The following IL1RAPL1 variants were observed in gnomAD, a reference collection of about 807,000 sequenced individuals.
IL1RAPL1 encodes interleukin-1 receptor accessory protein-like 1.
A neutral mutation model predicts 48.4 loss-of-function variants in IL1RAPL1; 3 were observed. The ratio of observed to expected loss-of-function variants is 0.06; its 90% CI spans 0.03 to 0.16. IL1RAPL1 has a LOEUF of 0.16. IL1RAPL1 is among the 10% of genes least tolerant of loss of function. The pLI is 1.00. For missense variants in IL1RAPL1, 349 were observed against 530.6 expected, an observed-to-expected ratio of 0.66 and a Z score of 3.36; for synonymous variants, 185 against 187.7, an observed-to-expected ratio of 0.99 and a Z score of 0.12.
intron 1 of IL1RAPL1, among the ~76,000 whole-genome samples, chrX:28,705,052 A>T (rs1269566898): frequency 1.8e-5 from 2 of 111,305 alleles, no homozygotes; most frequent in Non-Finnish European, 3.8e-5. Context: ...TGCTTTTGGA[A>T]AATGTTTTGT....
intron 2 of IL1RAPL1, among the ~76,000 whole-genome samples, chrX:29,199,894 G>A (rs1277508005): frequency 8.9e-6 from 1 of 111,790 alleles, no homozygotes; most frequent in African/African-American, 3.2e-5. Flanking sequence ...TTTTTTCTGG[G>A]TCTCAATAGG....
At chrX:29,357,288 C>G (rs757418697) in intron 3 of IL1RAPL1, among the ~76,000 whole-genome samples, 183 of 111,906 alleles carry the variant, frequency 1.6e-3, no homozygotes, top group Non-Finnish European at 2.2e-3. Context: ...TTTAAAAGTA[C>G]TCTTCAGTGA....
intron 2 of IL1RAPL1, among the ~76,000 whole-genome samples, chrX:28,791,287 G>C (rs1467365968): frequency 4.5e-5 from 5 of 111,232 alleles, no homozygotes; most frequent in Non-Finnish European, 7.5e-5. Context: ...AGCAGAGCTA[G>C]AAACATGGGG....
chrX:28,795,521 T>C (rs941651105), intron 2 of IL1RAPL1, among the ~76,000 whole-genome samples: 3 of 111,284 alleles, frequency 2.7e-5, no homozygotes, highest in Admixed American at 9.6e-5. Context: ...GCAGTATGAA[T>C]GAATCTTCCA....
At chrX:29,025,085 CT>C (rs1468561854) in intron 2 of IL1RAPL1, among the ~76,000 whole-genome samples, 1 of 111,654 alleles carries the variant, frequency 9.0e-6, no homozygotes, top group East Asian at 2.8e-4. Context: ...TGGCTGGCTT[CT>C]TTCACTTAAA....
intron 2 of IL1RAPL1, among the ~76,000 whole-genome samples, chrX:28,912,584 G>C (rs1239788573): frequency 9.0e-6 from 1 of 110,892 alleles, no homozygotes; most frequent in Admixed American, 9.7e-5. Context: ...GTGTGTCTCC[G>C]TGTGTATATT....
At chrX:28,662,422 G>T (rs1421271817) in intron 1 of IL1RAPL1, among the ~76,000 whole-genome samples, 1 of 111,579 alleles carries the variant, frequency 9.0e-6, no homozygotes, top group African/African-American at 3.3e-5. Context: ...AAGAATTGAG[G>T]TAGTGGCTAG....
intron 5 of IL1RAPL1, among the ~76,000 whole-genome samples, chrX:29,529,801 G>C (rs1935594945): frequency 9.0e-6 from 1 of 110,930 alleles, no homozygotes; most frequent in Non-Finnish European, 1.9e-5. Context: ...AATACTATAT[G>C]TGATTGTGTG....
chrX:29,839,460 G>A (rs1011601209), intron 6 of IL1RAPL1, among the ~76,000 whole-genome samples: 2 of 112,679 alleles, frequency 1.8e-5, no homozygotes, highest in Non-Finnish European at 3.7e-5. Flanking sequence ...TATCCGGCTA[G>A]TGAGGTTAGT....
chrX:28,721,377 C>T (rs1601872596), intron 1 of IL1RAPL1, among the ~76,000 whole-genome samples: 2 of 112,128 alleles, frequency 1.8e-5, no homozygotes, highest in African/African-American at 6.5e-5. Context: ...TGTCTGTTGG[C>T]TGCATAAATG....
At chrX:29,413,019 A>G (rs1260836876) in intron 5 of IL1RAPL1, among the ~76,000 whole-genome samples, 1 of 111,925 alleles carries the variant, frequency 8.9e-6, no homozygotes, top group Non-Finnish European at 1.9e-5. Flanking sequence ...AGCTCCCATA[A>G]TTCCCACATC....
intron 6 of IL1RAPL1, among the ~76,000 whole-genome samples, chrX:29,914,905 A>G (rs1932785647): frequency 8.9e-6 from 1 of 112,517 alleles, no homozygotes; most frequent in Admixed American, 9.4e-5. Flanking sequence ...TACAAAGATT[A>G]ATAATAAAGA....
At chrX:29,017,451 C>T in intron 2 of IL1RAPL1, among the ~76,000 whole-genome samples, 1 of 111,690 alleles carries the variant, frequency 9.0e-6, no homozygotes, top group East Asian at 2.8e-4. Flanking sequence ...CTTTAGGAAC[C>T]AGAAATTTCT....
Position 29,787,509 on chromosome X carries a change from G to A in IL1RAPL1, c.778+119005G>A, listed in dbSNP as rs901260386. On this transcript the variant is annotated intron_variant, in intron 6 of 10. Coordinates refer to ENST00000378993, the MANE Select transcript of IL1RAPL1 (RefSeq NM_014271.4). The stretch of plus-strand genomic sequence containing the variant: ...ATTTTTTGAATACCTAGTAGAGGAA[G>A]CCAGTCCCCTGAAAAGTGTCCTTGT... Among the ~76,000 whole-genome samples, 3 of 111,888 alleles carry A rather than the reference G, an allele frequency of 2.7e-5. No individual in the cohort carries two copies. The East Asian group carries it at 8.4e-4, about 31-fold the overall frequency.
intron 5 of IL1RAPL1, among the ~76,000 whole-genome samples, chrX:29,446,816 AT>A (rs1193780948): frequency 1.8e-5 from 2 of 111,592 alleles, no homozygotes; most frequent in African/African-American, 3.3e-5. Context: ...GCCTTAGAAC[AT>A]TTAAACCAGT....
At chrX:29,516,754 C>T (rs145189636) in intron 5 of IL1RAPL1, among the ~76,000 whole-genome samples, 1,360 of 110,283 alleles carry the variant, frequency 0.012, 30 homozygotes, top group African/African-American at 0.043. Context: ...ATACTTGTTT[C>T]CTGGTGTAGA....
intron 1 of IL1RAPL1, among the ~76,000 whole-genome samples, chrX:28,770,435 G>A (rs1936295831): frequency 1.8e-5 from 2 of 112,342 alleles, no homozygotes; most frequent in Non-Finnish European, 3.8e-5. Flanking sequence ...AAGGACTTAA[G>A]AACAAGGTGT....
rs754764421 is a variant in IL1RAPL1 at position 29,831,755 on chromosome X, A to G, written c.779-85709A>G. On this transcript the variant is annotated intron_variant, in intron 6 of 10. Coordinates refer to ENST00000378993, the MANE Select transcript of IL1RAPL1 (RefSeq NM_014271.4). ...GCCTTGTCTAAGGAGGAGAGAAACA[A>G]ATATATATAGTCAGAAGCAGTGATA... Among the ~76,000 whole-genome samples the G allele has an allele frequency of 3.6e-5, 4 of 111,527 alleles. No homozygotes were observed. The Admixed American group carries it at 3.8e-4, about 11-fold the overall frequency.
At chrX:28,943,469 G>A (rs983996322) in intron 2 of IL1RAPL1, among the ~76,000 whole-genome samples, 4 of 110,002 alleles carry the variant, frequency 3.6e-5, no homozygotes, top group Non-Finnish European at 7.6e-5. Context: ...ATGTCATGGA[G>A]GAAGAATTGT....
Sources: gnomAD v4.1 joint callset for allele counts (sites outside exome capture counted in the v4.1 genomes callset) on GRCh38, gnomAD v4.1.1 for gene constraint, MANE v1.5 for transcripts, NCBI Gene and HGNC (gene_info 2026-07-23, HGNC 2026-07-21) for gene names.